The following TRPM2 variants were observed in gnomAD, a reference collection of about 807,000 sequenced individuals.
The protein encoded by TRPM2 is estrogen-responsive element-associated gene 1 protein.
A neutral mutation model predicts 174.0 loss-of-function variants in TRPM2; 161 were observed. The ratio of observed to expected loss-of-function variants is 0.93; its 90% CI spans 0.81 to 1.05. The LOEUF (loss-of-function observed/expected upper bound fraction) is 1.05, where lower values mean the gene tolerates loss of function less well. Ranked by LOEUF, TRPM2 falls within the 50% of genes least tolerant of loss-of-function variation. TRPM2 has a pLI of 0.00. For synonymous variants in TRPM2, 954 were observed against 861.3 expected (o/e 1.11, Z -1.88); for missense variants, 2,057 against 2,038.0 (o/e 1.01, Z -0.18).
In TRPM2 at chr21:44,440,874, A is replaced by G. The variant is rs1019668220; in HGVS notation, c.4355A>G (p.Gln1452Arg). 2.5e-6 allele frequency: 4 copies of G among 1,613,862 alleles called. No individual in the cohort carries two copies. The highest frequency in any genetic ancestry group is 3.3e-5 in the Admixed American group (2 of 60,010). The change falls in exon 31 of 32, where the codon CAG becomes CGG. Residue 1452 changes from glutamine to arginine, a missense_variant. Transcript: ENST00000397928. ...TVAVSVHFQD[Q>R]NDVELNRLNS... The stretch of plus-strand genomic sequence containing the variant: ...GCCGTCAGCGTCCACTTCCAGGACC[A>G]GAATGACGTGGAGCTGAACAGGCTG...
At position 44,399,620 on chromosome 21, in the gene TRPM2, A is replaced by T. The variant is rs1194657040; in HGVS notation, c.2208+179A>T. ...CAGGCTCTGGCCTCCCATTTTGCAG[A>T]TGGGGGGAAGCTAACATGAAGCAAA... On this transcript the variant is annotated intron_variant, in intron 14 of 31. Transcript: ENST00000397928. The surrounding 1 kb of genome is among the most constrained non-coding windows in gnomAD (Gnocchi z 4.6). Among the ~76,000 whole-genome samples, 3 of 152,142 alleles carry T rather than the reference A, an allele frequency of 2.0e-5. No individual in the cohort carries two copies. The highest frequency in any genetic ancestry group is 4.4e-5 in the Non-Finnish European group (3 of 68,004).
intron 15 of TRPM2, among the ~76,000 whole-genome samples, 159 bp from the exon 16 acceptor site, chr21:44,401,522 G>A (rs909608908): frequency 6.6e-6 from 1 of 152,124 alleles, no homozygotes; most frequent in Non-Finnish European, 1.5e-5. Flanking sequence ...TGCCGGCTCC[G>A]CCTGTAGCTG....
At position 44,366,829 on chromosome 21, in the gene TRPM2, C is replaced by T; in HGVS notation, c.499C>T (p.Pro167Ser). 3 of 1,613,956 alleles carry T rather than the reference C, an allele frequency of 1.9e-6. No individual in the cohort carries two copies. The highest frequency in any genetic ancestry group is 1.1e-5 in the South Asian group (1 of 91,064). ...GACCCAGCACTGGGGGCTGGACGTCCCCAATCTCTTGATCTCGGTGACCGG... is the reference window on the plus strand; with the variant it reads ...GACCCAGCACTGGGGGCTGGACGTCTCCAATCTCTTGATCTCGGTGACCGG... ...LMTQHWGLDV[P>S]NLLISVTGGA... The change falls in exon 4 of 32, where the codon CCC becomes TCC. Residue 167 changes from proline (P) to serine (S), a missense_variant. Physicochemically the swap from Pro to Ser is moderately conservative, Grantham distance 74 (BLOSUM62 -1). Transcript: ENST00000397928. The surrounding 1 kb of genome is among the most constrained non-coding windows in gnomAD (Gnocchi z 6.0).
intron 17 of TRPM2, 61 bp from the exon 18 acceptor site, chr21:44,405,844 C>G: frequency 6.4e-7 from 1 of 1,566,976 alleles, no homozygotes; most frequent in Non-Finnish European, 8.6e-7. Context: ...CGACGGGGGA[C>G]AGCTCTGGGG....
At chr21:44,418,360 A>C in intron 21 of TRPM2, 63 bp from the exon 22 acceptor site, 1 of 1,588,348 alleles carries the variant, frequency 6.3e-7, no homozygotes, top group Non-Finnish European at 8.6e-7. Context: ...CCGGTGGGTC[A>C]GGGCTTCAGG....
intron 16 of TRPM2, among the ~76,000 whole-genome samples, 156 bp downstream of exon 16, chr21:44,402,053 G>A (rs935919852): frequency 2.0e-5 from 3 of 152,108 alleles, no homozygotes; most frequent in Non-Finnish European, 4.4e-5. Context: ...ATGGGTGGCT[G>A]GGGCGCTGCC....
At chr21:44,407,024 C>G (rs1041228105) in intron 19 of TRPM2, among the ~76,000 whole-genome samples, 3 of 149,836 alleles carry the variant, frequency 2.0e-5, no homozygotes, top group Admixed American at 6.7e-5. Flanking sequence ...CCGAGGGCAC[C>G]TGGGGCATCA....
At chr21:44,413,224 A>AT (rs2050161245) in intron 19 of TRPM2, among the ~76,000 whole-genome samples, 1 of 125,260 alleles carries the variant, frequency 8.0e-6, no homozygotes, top group African/African-American at 3.2e-5. Context: ...TTCCTTTTCA[A>AT]TTCTTTTTTT....
chr21:44,389,155 C>T (rs899752906), intron 9 of TRPM2, among the ~76,000 whole-genome samples: 1 of 152,198 alleles, frequency 6.6e-6, no homozygotes, highest in Non-Finnish European at 1.5e-5. Flanking sequence ...CATTTTAGAA[C>T]TTCACGTGAA....
In TRPM2 at chr21:44,391,173, T is replaced by C. The variant is rs1006152773; in HGVS notation, c.1441-99T>C. The C allele has an allele frequency of 2.6e-6, 4 of 1,526,780 alleles. No homozygotes were observed. The highest frequency in any genetic ancestry group is 2.3e-5 in the East Asian group (1 of 44,224). 94.6% of individuals were successfully genotyped at this position (1,526,780 alleles called of 1,614,324 possible). On this transcript the variant is annotated intron_variant, in intron 10 of 31. Coordinates refer to ENST00000397928, the MANE Select transcript of TRPM2 (RefSeq NM_003307.4). This position sits in a 1 kb window ranked among gnomAD's most constrained non-coding sequence, Gnocchi z 5.0. Reference sequence around the variant, plus strand: ...CTGGGCAGCTTTCATCCTCCCCAGGTTGGGGACAACAGCAGCCCCCATCTC... The same window carrying C: ...CTGGGCAGCTTTCATCCTCCCCAGGCTGGGGACAACAGCAGCCCCCATCTC...
chr21:44,434,521 G>A (rs115850024), intron 27 of TRPM2, among the ~76,000 whole-genome samples: 2,649 of 152,166 alleles, frequency 0.017, 59 homozygotes, highest in African/African-American at 0.059. Flanking sequence ...TCTTCCTTCT[G>A]TTTTAGTGGT....
Position 44,401,728 on chromosome 21 carries a change from C to A in TRPM2, c.2369C>A (p.Ala790Asp). The A allele has an allele frequency of 6.2e-7, 1 of 1,613,510 alleles. No individual in the cohort carries two copies. The highest frequency in any genetic ancestry group is 8.5e-7 in the Non-Finnish European group (1 of 1,179,984). ...GGCACCCCCGCGGCCCGCGCCCGTGCCTTCTTCACCGCACCCGTGGTGGTC... is the reference window on the plus strand; with the variant it reads ...GGCACCCCCGCGGCCCGCGCCCGTGACTTCTTCACCGCACCCGTGGTGGTC... ...DVGTPAARAR[A>D]FFTAPVVVFH... is the part of the protein sequence containing the mutation. Residue 790 changes from alanine to aspartate, a missense_variant, in exon 16 of 32, where the codon GCC becomes GAC. Transcript: ENST00000397928.
At position 44,369,318 on chromosome 21, in the gene TRPM2, G is replaced by C; in HGVS notation, c.746G>C (p.Arg249Pro). The change falls in exon 5 of 32, where the codon CGC becomes CCC. Residue 249 changes from arginine to proline, a missense_variant. Coordinates refer to ENST00000397928, the MANE Select transcript of TRPM2 (RefSeq NM_003307.4). The stretch of plus-strand genomic sequence containing the variant: ...GTCGCCACCTGGGGCACTGTCCACC[G>C]CCGCGAGGGCCTGATCCATCCCACG... ...IGVATWGTVHRREGLIHPTGS... is the reference protein window; with the variant it reads ...IGVATWGTVHPREGLIHPTGS... The C allele has an allele frequency of 3.7e-6, 6 of 1,612,950 alleles. No individual in the cohort carries two copies. The highest frequency in any genetic ancestry group is 5.1e-6 in the Non-Finnish European group (6 of 1,179,462).
intron 5 of TRPM2, among the ~76,000 whole-genome samples, chr21:44,373,889 C>T (rs1032354314): frequency 1.3e-5 from 2 of 152,200 alleles, no homozygotes; most frequent in African/African-American, 4.8e-5. Context: ...CAAAGTTGGC[C>T]TTCCCTCCAG....
intron 9 of TRPM2, among the ~76,000 whole-genome samples, chr21:44,384,843 T>C (rs2048976103): frequency 6.6e-6 from 1 of 152,216 alleles, no homozygotes; most frequent in African/African-American, 2.4e-5. Flanking sequence ...GGCTGATAGC[T>C]TCACTGGTGA....
In TRPM2 at chr21:44,355,320, C is replaced by T. The variant is rs948423516; in HGVS notation, c.254+584C>T. 6.6e-5 allele frequency among the ~76,000 whole-genome samples: 10 copies of T among 152,340 alleles called. 1 individual carries two copies. The highest frequency in any genetic ancestry group is 2.6e-4 in the Admixed American group (4 of 15,306). ...ATGGCCCTCCGGAGCCGATGGTGCT[C>T]CCCGCAGTTGGCGCCCCTTTAGGCA... On this transcript the variant is annotated intron_variant, in intron 2 of 31. Transcript: ENST00000397928.
intron 22 of TRPM2, among the ~76,000 whole-genome samples, chr21:44,419,577 T>G (rs78481608): frequency 0.073 from 9 of 124 alleles, no homozygotes; most frequent in Non-Finnish European, 0.12. Flanking sequence ...GTGGTGGTGA[T>G]GGTAGTGGTG....
chr21:44,403,868 A>ACACATACATACACATG (rs2049737485), intron 16 of TRPM2, among the ~76,000 whole-genome samples: 1 of 151,614 alleles, frequency 6.6e-6, no homozygotes, highest in African/African-American at 2.4e-5. Context: ...ACACAAATAT[A>ACACATACATACACATG]CACATACATA....
chr21:44,400,782 G>A (rs2049592043), intron 15 of TRPM2, among the ~76,000 whole-genome samples: 1 of 152,220 alleles, frequency 6.6e-6, no homozygotes, highest in Admixed American at 6.5e-5. Flanking sequence ...AGCCTGTATT[G>A]ATGGAATCGC....
Sources: allele counts gnomAD v4.1 joint callset (sites outside exome capture counted in the v4.1 genomes callset), GRCh38; gene constraint gnomAD v4.1.1; non-coding constraint Gnocchi (gnomAD v3.1); transcripts MANE v1.5; gene names NCBI Gene and HGNC (gene_info 2026-07-23, HGNC 2026-07-21).